Variants in GAS7 observed in about 807,000 individuals in gnomAD.
GAS7 encodes growth arrest-specific protein 7.
In GAS7, 28 loss-of-function variants were observed where a neutral mutation model predicts 71.1. That is an observed-to-expected ratio of 0.39 (90% confidence interval 0.29 to 0.54). The LOEUF (loss-of-function observed/expected upper bound fraction) is 0.54, where lower values mean the gene tolerates loss of function less well. Among genes scored for constraint, GAS7 ranks in the 20% least tolerant of loss-of-function variants. The pLI, the probability that GAS7 is intolerant of heterozygous loss-of-function variation, is 0.62. For synonymous variants in GAS7, 258 were observed against 245.8 expected (o/e 1.05, Z -0.46); for missense variants, 436 against 627.8 (o/e 0.69, Z 3.27).
chr17:10,117,291 T>A (rs2073869240), intron 1 of GAS7, among the ~76,000 whole-genome samples: 1 of 152,142 alleles, frequency 6.6e-6, no homozygotes, highest in Admixed American at 6.5e-5. Context: ...ACCCTTGGCT[T>A]ACACTGGGCC....
At chr17:10,051,963 C>T (rs1467471352) in intron 1 of GAS7, among the ~76,000 whole-genome samples, 2 of 152,082 alleles carry the variant, frequency 1.3e-5, no homozygotes, top group East Asian at 1.9e-4. Context: ...TACTGTGGAC[C>T]AGTAACTTGA....
intron 4 of GAS7, among the ~76,000 whole-genome samples, chr17:9,966,378 C>T (rs146483734): frequency 1.6e-3 from 246 of 152,210 alleles, no homozygotes; most frequent in African/African-American, 5.6e-3. Flanking sequence ...AGATCACAAC[C>T]GGGTTTTGAG....
chr17:10,070,341 CTTTTTT>C (rs71365713), intron 1 of GAS7, among the ~76,000 whole-genome samples: 4,275 of 106,208 alleles, frequency 0.04, 87 homozygotes, highest in Middle Eastern at 0.068. Context: ...TCTCTCTCTT[CTTTTTT>C]TTTTTTTTTT....
chr17:10,164,848 GAAAA>G (rs755151597), intron 1 of GAS7, among the ~76,000 whole-genome samples: 2 of 106,106 alleles, frequency 1.9e-5, no homozygotes, highest in Non-Finnish European at 3.8e-5. Context: ...ATGAAAAAAG[GAAAA>G]AAAAAAAAAA....
chr17:9,922,891 C>T (rs1305187831), intron 11 of GAS7, among the ~76,000 whole-genome samples: 2 of 152,138 alleles, frequency 1.3e-5, no homozygotes, highest in East Asian at 3.9e-4. Flanking sequence ...ACATATTTCA[C>T]TGTCTTTTTT....
chr17:9,982,122 C>CTTCT (rs2070434361), intron 2 of GAS7, among the ~76,000 whole-genome samples: 1 of 152,094 alleles, frequency 6.6e-6, no homozygotes, highest in Non-Finnish European at 1.5e-5. Flanking sequence ...GCTGGGGGCC[C>CTTCT]TTCTTGATGA....
rs1360455543 is a variant in GAS7 at position 9,958,971 on chromosome 17, T to C, written c.525+231A>G. ...AACGGCTTCTGCATCATCCCAGCCA[T>C]CCTCCTTCCACTTGTTCACCAGGAG... On this transcript the variant is annotated intron_variant, in intron 5 of 13. Coordinates refer to ENST00000432992, the MANE Select transcript of GAS7 (RefSeq NM_201433.2). 6 of 1,408,378 alleles carry C rather than the reference T, an allele frequency of 4.3e-6. No individual in the cohort carries two copies. In the East Asian group the frequency reaches 1.3e-4, roughly 31 times the overall value. The allele number at this position is 1,408,378 out of a possible 1,614,324, so 87.2% of individuals were successfully genotyped here.
intron 1 of GAS7, among the ~76,000 whole-genome samples, chr17:10,050,198 T>A (rs929687723): frequency 6.6e-6 from 1 of 152,126 alleles, no homozygotes; most frequent in African/African-American, 2.4e-5. Context: ...ACATATCCCA[T>A]CACATTTGAC....
At chr17:10,021,684 G>C (rs4791382) in intron 1 of GAS7, among the ~76,000 whole-genome samples, 65,404 of 151,982 alleles carry the variant, frequency 0.43, 14,409 homozygotes, top group Non-Finnish European at 0.48. Context: ...CACCAGGGTC[G>C]CAGGTTGCTG....
Position 9,926,623 on chromosome 17 carries a change from G to A in GAS7, c.1014+18C>T. 6.2e-7 allele frequency: 1 copy of A among 1,611,978 alleles called. No individual in the cohort carries two copies. Among genetic ancestry groups the A allele is most frequent in the Non-Finnish European group, 8.5e-7 (1 of 1,179,904 alleles). On this transcript the variant is annotated intron_variant, in intron 10 of 13. Transcript: ENST00000432992. This position sits in a 1 kb window ranked among gnomAD's most constrained non-coding sequence, Gnocchi z 5.0. ...TCCCCCATGCACCTGCCCTGGCCCA[G>A]CGTCCTGGGCCTCTCACCTTCTCCA...
At chr17:10,038,243 A>C (rs1411920401) in intron 1 of GAS7, among the ~76,000 whole-genome samples, 2 of 152,176 alleles carry the variant, frequency 1.3e-5, no homozygotes, top group Admixed American at 6.5e-5. Context: ...CTGTAGTCCC[A>C]GCTACTTGGG....
At chr17:10,148,230 GA>G (rs1172002875) in intron 1 of GAS7, among the ~76,000 whole-genome samples, 2 of 152,148 alleles carry the variant, frequency 1.3e-5, no homozygotes, top group East Asian at 1.9e-4. Context: ...TTTGTGGGGT[GA>G]AAAGCTGCCT....
chr17:9,937,242 C>T (rs905554565), intron 8 of GAS7, among the ~76,000 whole-genome samples: 23 of 152,270 alleles, frequency 1.5e-4, no homozygotes, highest in Admixed American at 4.6e-4. Flanking sequence ...TGTGTTTGTC[C>T]GGGCATGTGT....
At chr17:10,097,282 C>T (rs739360) in intron 1 of GAS7, among the ~76,000 whole-genome samples, 4,252 of 152,326 alleles carry the variant, frequency 0.028, 192 homozygotes, top group African/African-American at 0.097. Flanking sequence ...GGCCCACTCA[C>T]AACATCTCTG....
intron 1 of GAS7, among the ~76,000 whole-genome samples, chr17:10,120,557 C>A (rs751641413): frequency 6.6e-6 from 1 of 152,054 alleles, no homozygotes; most frequent in Non-Finnish European, 1.5e-5. Context: ...ACTAAAAATA[C>A]CAAAACTAGC....
intron 1 of GAS7, among the ~76,000 whole-genome samples, chr17:10,197,297 A>G (rs1466279621): frequency 6.6e-6 from 1 of 152,230 alleles, no homozygotes; most frequent in Non-Finnish European, 1.5e-5. Flanking sequence ...GTGTTTTACC[A>G]GAATGTTTAG....
chr17:10,024,222 A>G (rs939345495), intron 1 of GAS7, among the ~76,000 whole-genome samples: 1 of 152,218 alleles, frequency 6.6e-6, no homozygotes, highest in African/African-American at 2.4e-5. Context: ...CTTAAGGGCC[A>G]ACAGCACCAG....
rs778133341 is a variant in GAS7, at chr17:9,919,755, ACT to A, written c.1139-52_1139-51del. The A allele has an allele frequency of 6.0e-6, 8 of 1,339,568 alleles. No homozygotes were observed. Among genetic ancestry groups the A allele is most frequent in the African/African-American group, 1.4e-5 (1 of 69,524 alleles). 83.0% of individuals were successfully genotyped at this position (1,339,568 alleles called of 1,614,324 possible). On this transcript the variant is annotated intron_variant, in intron 11 of 13. Coordinates refer to ENST00000432992, the MANE Select transcript of GAS7 (RefSeq NM_201433.2). This position sits in a 1 kb window ranked among gnomAD's most constrained non-coding sequence, Gnocchi z 5.0. ...CATGAAGCATCCTATCCTCACCATG[ACT>A]CTGTGCCCCACCCTGAGCCCCACAG...
chr17:10,166,011 C>CTTTTTTT (rs11356429), intron 1 of GAS7, among the ~76,000 whole-genome samples: 19 of 143,176 alleles, frequency 1.3e-4, no homozygotes, highest in South Asian at 2.2e-4. Flanking sequence ...TTTTCTTTTT[C>CTTTTTTT]TTTTTTTTTT....
Sources: gnomAD v4.1 joint callset for allele counts (sites outside exome capture counted in the v4.1 genomes callset) on GRCh38, gnomAD v4.1.1 for gene constraint, Gnocchi (gnomAD v3.1) non-coding constraint, MANE v1.5 for transcripts, NCBI Gene and HGNC (gene_info 2026-07-23, HGNC 2026-07-21) for gene names.